COL19A1: variants seen among roughly 807,000 people sequenced by gnomAD.
The protein encoded by COL19A1 is collagen type XIX alpha 1 chain, also known as collagen alpha-1(XIX) chain.
A neutral mutation model predicts 190.2 loss-of-function variants in COL19A1; 159 were observed. The ratio of observed to expected loss-of-function variants is 0.84; its 90% CI spans 0.73 to 0.95. COL19A1 has a LOEUF of 0.95. COL19A1 is among the 40% of genes least tolerant of loss of function. The pLI, the probability that COL19A1 is intolerant of heterozygous loss-of-function variation, is 0.00. For synonymous variants in COL19A1, 509 were observed against 458.9 expected, an observed-to-expected ratio of 1.11 and a Z score of -1.39; for missense variants, 1,418 against 1,431.9, an observed-to-expected ratio of 0.99 and a Z score of 0.16.
At chr6:70,111,817 A>T (rs1446672445) in intron 16 of COL19A1, among the ~76,000 whole-genome samples, 1 of 152,222 alleles carries the variant, frequency 6.6e-6, no homozygotes, top group African/African-American at 2.4e-5. Context: ...AGAGACCTTA[A>T]CATCACACAT....
chr6:70,035,296 T>A (rs1279694039), intron 13 of COL19A1, among the ~76,000 whole-genome samples: 4 of 152,212 alleles, frequency 2.6e-5, no homozygotes, highest in African/African-American at 9.6e-5. Context: ...GATGAACCAT[T>A]TTTTAAAGAT....
At position 69,980,347 on chromosome 6, in the gene COL19A1, G is replaced by A. The variant is rs75259624; in HGVS notation, c.1026+17477G>A. ...TGAAAGGATGGGTTATTCCACAGGT[G>A]CATTGGCACTACCGAGTCTATCCAC... On this transcript the variant is annotated intron_variant, in intron 11 of 50. Coordinates refer to ENST00000620364, the MANE Select transcript of COL19A1 (RefSeq NM_001858.6). Among the ~76,000 whole-genome samples, 830 of 152,118 alleles carry A rather than the reference G, an allele frequency of 5.5e-3. 19 individuals are homozygous for A. In the East Asian group the frequency reaches 0.068, roughly 13 times the overall value.
chr6:70,039,827 A>G (rs537429142), intron 14 of COL19A1, among the ~76,000 whole-genome samples: 32 of 149,972 alleles, frequency 2.1e-4, no homozygotes, highest in African/African-American at 7.1e-4. Flanking sequence ...CAGTAGCCCC[A>G]TCACAGCTCA....
intron 14 of COL19A1, among the ~76,000 whole-genome samples, chr6:70,047,414 T>A (rs897982739): frequency 1.3e-5 from 2 of 152,102 alleles, no homozygotes; most frequent in African/African-American, 4.8e-5. Context: ...GTATCCAAGG[T>A]CATAATGAAA....
intron 15 of COL19A1, 77 bp downstream of exon 15, chr6:70,068,553 C>A: frequency 2.2e-6 from 2 of 912,288 alleles, no homozygotes; most frequent in South Asian, 3.0e-5. Context: ...GAAAATGAAA[C>A]CGAAATAGAG....
chr6:70,096,759 T>C (rs1783301484), intron 15 of COL19A1, among the ~76,000 whole-genome samples: 1 of 152,146 alleles, frequency 6.6e-6, no homozygotes, highest in Non-Finnish European at 1.5e-5. Context: ...AGCTTTAGTT[T>C]TAGAGTAGTG....
intron 11 of COL19A1, among the ~76,000 whole-genome samples, chr6:70,004,040 T>G (rs1777454622): frequency 1.3e-5 from 2 of 152,218 alleles, no homozygotes. Context: ...CAATGCTTCT[T>G]TCAGGAGCTC....
intron 18 of COL19A1, among the ~76,000 whole-genome samples, chr6:70,132,963 G>A (rs536929800): frequency 1.4e-4 from 22 of 152,232 alleles, no homozygotes; most frequent in South Asian, 4.2e-4. Flanking sequence ...ACTCAAAAGC[G>A]CAATAACTAA....
At chr6:70,121,386 T>C (rs1784871363) in intron 16 of COL19A1, among the ~76,000 whole-genome samples, 1 of 152,216 alleles carries the variant, frequency 6.6e-6, no homozygotes, top group Admixed American at 6.5e-5. Flanking sequence ...ACACATCTTT[T>C]TTCTGGCCCA....
intron 43 of COL19A1, 50 bp downstream of exon 43, chr6:70,180,406 T>G (rs371577306): frequency 6.2e-7 from 1 of 1,613,928 alleles, no homozygotes; most frequent in Non-Finnish European, 8.5e-7. Context: ...TGTACTTGCA[T>G]GCAGTTTTAA....
chr6:70,051,463 G>C (rs1294306825), intron 14 of COL19A1, among the ~76,000 whole-genome samples: 1 of 152,122 alleles, frequency 6.6e-6, no homozygotes, highest in East Asian at 1.9e-4. Flanking sequence ...CCAGGTACCA[G>C]AAACAACCCA....
In COL19A1 at chr6:70,144,994, T is replaced by G. The variant is rs1786524360; in HGVS notation, c.1757T>G (p.Leu586Arg). The change falls in exon 25 of 51, where the codon CTG (leucine) becomes CGG (arginine). Residue 586 changes from leucine to arginine, a missense_variant. Transcript: ENST00000620364. ...KGEAGPPGKS[L>R]PGEPGLDGNP... Reference sequence around the variant, plus strand: ...GAGGCTGGTCCTCCAGGGAAAAGCCTGCCAGGGGAACCAGTAAGTATTAGC... The same window carrying G: ...GAGGCTGGTCCTCCAGGGAAAAGCCGGCCAGGGGAACCAGTAAGTATTAGC... 6 of 1,588,618 alleles carry G rather than the reference T, an allele frequency of 3.8e-6. No homozygotes were observed. In the South Asian group the frequency reaches 6.9e-5, roughly 18 times the overall value.
chr6:70,156,012 C>T lies in COL19A1; in HGVS notation c.2080-115C>T, dbSNP rs533086313. ...CATCAAGTGTCTGAAAGCAGAATGACCTATCTATATCACTCATCTCCAGAG... is the reference window on the plus strand; with the variant it reads ...CATCAAGTGTCTGAAAGCAGAATGATCTATCTATATCACTCATCTCCAGAG... On this transcript the variant is annotated intron_variant, in intron 31 of 50. Coordinates refer to ENST00000620364, the MANE Select transcript of COL19A1 (RefSeq NM_001858.6). The T allele has an allele frequency of 1.5e-4, 114 of 746,644 alleles. 2 individuals are homozygous for T. In the South Asian group the frequency reaches 2.1e-3, roughly 14 times the overall value. The allele number at this position is 746,644 out of a possible 1,614,324, so 46.3% of individuals were successfully genotyped here. A position where few individuals can be genotyped will look rare whatever the true frequency, so the allele number is the denominator to read the frequency against.
At chr6:70,193,690 T>G (rs759227121) in intron 48 of COL19A1, among the ~76,000 whole-genome samples, 3 of 152,214 alleles carry the variant, frequency 2.0e-5, no homozygotes, top group Non-Finnish European at 4.4e-5. Context: ...GATAGCCCTT[T>G]CCTTTTGTCT....
intron 9 of COL19A1, among the ~76,000 whole-genome samples, chr6:69,958,827 T>C (rs1414667660): frequency 6.6e-6 from 1 of 152,218 alleles, no homozygotes; most frequent in African/African-American, 2.4e-5. Context: ...TTTCCTTAGA[T>C]TTAGACAGAA....
intron 1 of COL19A1, among the ~76,000 whole-genome samples, chr6:69,874,586 C>A (rs1768022502): frequency 1.3e-5 from 2 of 152,000 alleles, no homozygotes; most frequent in African/African-American, 4.8e-5. Context: ...CCCATCTCTA[C>A]TAAAAATACA....
Position 70,068,437 on chromosome 6 carries a change from A to C in COL19A1, c.1185A>C (p.Ile395=), listed in dbSNP as rs1337033421. ...GPPALPGSLG[I]QGPQGPPGKE... Reference sequence around the variant, plus strand: ...TTTCCTCATAGGGTTCCCTGGGGATACAAGGCCCCCAAGGTCCACCTGGAA... The same window carrying C: ...TTTCCTCATAGGGTTCCCTGGGGATCCAAGGCCCCCAAGGTCCACCTGGAA... The change falls in exon 15 of 51, where the codon ATA becomes ATC. Residue 395 remains isoleucine (I), a synonymous_variant. Transcript: ENST00000620364. The C allele has an allele frequency of 6.3e-7, 1 of 1,599,690 alleles. No homozygotes were observed. Among genetic ancestry groups the C allele is most frequent in the African/African-American group, 1.3e-5 (1 of 74,534 alleles).
chr6:70,165,034 T>C (rs1284444349), intron 36 of COL19A1, among the ~76,000 whole-genome samples: 2 of 152,232 alleles, frequency 1.3e-5, no homozygotes, highest in Admixed American at 1.3e-4. Flanking sequence ...TTCTTGGACA[T>C]TGTGAGTAGA....
rs939838348 is a variant in COL19A1, at chr6:70,212,342, G to C, written c.*5068G>C. Among the ~76,000 whole-genome samples the C allele has an allele frequency of 3.3e-5, 5 of 152,102 alleles. No individual in the cohort carries two copies. The highest frequency in any genetic ancestry group is 1.3e-4 in the Admixed American group (2 of 15,274). On this transcript the variant is annotated 3_prime_UTR_variant, in exon 51 of 51. Coordinates refer to ENST00000620364, the MANE Select transcript of COL19A1 (RefSeq NM_001858.6). ...GAATATACTCATGTTAAGTGCAATG[G>C]CATTAGTTTTATTCAAAATCCCACA...
Sources: gnomAD v4.1 joint callset for allele counts (sites outside exome capture counted in the v4.1 genomes callset) on GRCh38, gnomAD v4.1.1 for gene constraint, MANE v1.5 for transcripts, NCBI Gene and HGNC (gene_info 2026-07-23, HGNC 2026-07-21) for gene names.